Variants in SLC35F2 observed in about 807,000 individuals in gnomAD.
SLC35F2 encodes the protein solute carrier family 35 member F2.
SLC35F2 carries 25 observed loss-of-function variants against 38.1 expected under a neutral mutation model. The observed-to-expected ratio is 0.66, with a 90% confidence interval of 0.48 to 0.92. The LOEUF (loss-of-function observed/expected upper bound fraction) is 0.92. SLC35F2 is among the 40% of genes least tolerant of loss of function. SLC35F2 has a pLI of 0.00. For missense variants in SLC35F2, 409 were observed against 452.9 expected (o/e 0.90, Z 0.88); for synonymous variants, 173 against 181.7 (o/e 0.95, Z 0.38).
intron 4 of SLC35F2, chr11:107,805,719 T>C (rs2134775287): frequency 1.0e-6 from 1 of 968,798 alleles, no homozygotes; most frequent in Non-Finnish European, 1.2e-6. Context: ...GCTCTGTTGC[T>C]CAGGCTGGAG....
At position 107,802,242 on chromosome 11, in the gene SLC35F2, A is replaced by AAAATAAATAAATAAATAAATAAATAAAT. The variant is rs1555082409; in HGVS notation, c.939+758_939+759insATTTATTTATTTATTTATTTATTTATTT. ...AACAGAGTGAGACTCCATCTCAAAAAAAATAAATAAATAATAAAATAAAAT... is the reference window on the plus strand; with the variant it reads ...AACAGAGTGAGACTCCATCTCAAAAAAAATAAATAAATAAATAAATAAATAAATAAATAAATAAATAATAAAATAAAAT... On this transcript the variant is annotated intron_variant, in intron 7 of 7. Transcript: ENST00000525815. Among the ~76,000 whole-genome samples, 893 of 147,842 alleles carry AAAATAAATAAATAAATAAATAAATAAAT rather than the reference A, an allele frequency of 6.0e-3. 6 individuals are homozygous for AAAATAAATAAATAAATAAATAAATAAAT. The highest frequency in any genetic ancestry group is 0.02 in the African/African-American group (789 of 39,062).
At chr11:107,856,734 G>A (rs61633718) in intron 1 of SLC35F2, among the ~76,000 whole-genome samples, 3,086 of 151,656 alleles carry the variant, frequency 0.02, 90 homozygotes, top group African/African-American at 0.07. Flanking sequence ...TCAGGAGGGA[G>A]GGAGGGAGGG....
At chr11:107,808,675 A>G (rs1398499686) in intron 3 of SLC35F2, among the ~76,000 whole-genome samples, 1 of 152,176 alleles carries the variant, frequency 6.6e-6, no homozygotes, top group Non-Finnish European at 1.5e-5. Context: ...AGTCCAACGC[A>G]TCATGTGTAG....
At chr11:107,799,162 A>G (rs1302905505) in intron 7 of SLC35F2, among the ~76,000 whole-genome samples, 1 of 152,224 alleles carries the variant, frequency 6.6e-6, no homozygotes, top group Admixed American at 6.5e-5. Flanking sequence ...TGAAGATTTC[A>G]GAAGACCTGC....
intron 1 of SLC35F2, among the ~76,000 whole-genome samples, chr11:107,833,049 C>A (rs773919169): frequency 6.6e-6 from 1 of 152,220 alleles, no homozygotes; most frequent in Non-Finnish European, 1.5e-5. Flanking sequence ...GGGCATCCAT[C>A]ATCATCAAGT....
chr11:107,809,970 G>A (rs1011361859), intron 3 of SLC35F2: 1 of 985,308 alleles, frequency 1.0e-6, no homozygotes, highest in South Asian at 4.7e-5. Flanking sequence ...CAGCAACCTG[G>A]GCCACATCAT....
chr11:107,852,502 G>A (rs1178357485), intron 1 of SLC35F2, among the ~76,000 whole-genome samples: 2 of 148,486 alleles, frequency 1.3e-5, no homozygotes, highest in Admixed American at 1.4e-4. Flanking sequence ...AGTCAGCTGA[G>A]ATTGTGCTAC....
chr11:107,831,299 A>G lies in SLC35F2; in HGVS notation c.111-15334T>C, dbSNP rs978148988. ...AAGTGTAAAATAAGTTGCAAAACTC[A>G]TTGGAATGGGACAGGGTGATAGTAT... On this transcript the variant is annotated intron_variant, in intron 1 of 7. Coordinates refer to ENST00000525815, the MANE Select transcript of SLC35F2 (RefSeq NM_017515.5). Among the ~76,000 whole-genome samples, 3 of 152,222 alleles carry G rather than the reference A, an allele frequency of 2.0e-5. No individual in the cohort carries two copies. In the East Asian group the frequency reaches 5.8e-4, roughly 29 times the overall value.
chr11:107,831,367 C>T (rs778754219), intron 1 of SLC35F2, among the ~76,000 whole-genome samples: 2 of 152,190 alleles, frequency 1.3e-5, no homozygotes, highest in African/African-American at 4.8e-5. Context: ...ACTACAGGCA[C>T]ATGCCACTAC....
intron 1 of SLC35F2, chr11:107,840,701 T>C (rs1860001833): frequency 6.6e-6 from 1 of 152,240 alleles, no homozygotes; most frequent in Non-Finnish European, 1.5e-5. Context: ...TCCTGGCTCC[T>C]GCTGCTTCTC....
intron 1 of SLC35F2, among the ~76,000 whole-genome samples, chr11:107,830,250 T>C (rs957144106): frequency 6.6e-6 from 1 of 152,214 alleles, no homozygotes; most frequent in African/African-American, 2.4e-5. Flanking sequence ...GTTTCCATTA[T>C]AATTTTTAAT....
chr11:107,796,715 C>T (rs992921485), intron 7 of SLC35F2, among the ~76,000 whole-genome samples: 1 of 152,182 alleles, frequency 6.6e-6, no homozygotes, highest in Non-Finnish European at 1.5e-5. Flanking sequence ...GTCACCCAGG[C>T]TGGAGTGCAG....
At chr11:107,835,911 ATCT>A (rs1253997776) in intron 1 of SLC35F2, among the ~76,000 whole-genome samples, 2 of 152,158 alleles carry the variant, frequency 1.3e-5, no homozygotes, top group Non-Finnish European at 2.9e-5. Flanking sequence ...ATCTAACCAA[ATCT>A]GGGATTCATG....
intron 3 of SLC35F2, 32 bp from the exon 4 acceptor site, chr11:107,806,908 ATATCT>A (rs1565429763): frequency 6.3e-7 from 1 of 1,598,162 alleles, no homozygotes; most frequent in East Asian, 2.2e-5. Context: ...AGTTTAAAAC[ATATCT>A]CTCATTAGCT....
chr11:107,854,609 G>C (rs1860248727), intron 1 of SLC35F2, among the ~76,000 whole-genome samples: 1 of 152,030 alleles, frequency 6.6e-6, no homozygotes, highest in South Asian at 2.1e-4. Context: ...ATGAATGTCT[G>C]GCACATGGTA....
chr11:107,814,136 T>G (rs1859525104), intron 2 of SLC35F2, among the ~76,000 whole-genome samples: 1 of 152,132 alleles, frequency 6.6e-6, no homozygotes, highest in African/African-American at 2.4e-5. Flanking sequence ...AAACTTAGAA[T>G]CAGACCTTCA....
chr11:107,816,476 G>A (rs1859576140), intron 1 of SLC35F2, among the ~76,000 whole-genome samples: 1 of 129,352 alleles, frequency 7.7e-6, no homozygotes, highest in Non-Finnish European at 1.6e-5. Flanking sequence ...TTGTGGAGAT[G>A]GGGTTTCACT....
intron 4 of SLC35F2, 89 bp from the exon 5 acceptor site, chr11:107,805,604 A>G (rs980049814): frequency 1.3e-6 from 2 of 1,491,108 alleles, no homozygotes; most frequent in African/African-American, 2.8e-5. Flanking sequence ...ACTCGTGTTC[A>G]TTTAAATGAC....
chr11:107,802,099 A>G (rs1859317738), intron 7 of SLC35F2, among the ~76,000 whole-genome samples: 1 of 152,034 alleles, frequency 6.6e-6, no homozygotes, highest in Non-Finnish European at 1.5e-5. Flanking sequence ...TTAGCCAGGA[A>G]TGATGGAGGG....
Sources: gnomAD v4.1 joint callset for allele counts (sites outside exome capture counted in the v4.1 genomes callset) on GRCh38, gnomAD v4.1.1 for gene constraint, MANE v1.5 for transcripts, NCBI Gene and HGNC (gene_info 2026-07-23, HGNC 2026-07-21) for gene names.